ZNF469: variants seen among roughly 807,000 people sequenced by gnomAD.
ZNF469 encodes zinc finger protein 469.
In ZNF469, 1 loss-of-function variant was observed where a neutral mutation model predicts 1.0. That is an observed-to-expected ratio of 1.00 (90% CI 0.35 to 4.73). The LOEUF is 4.73. Ranked by LOEUF, ZNF469 falls within the 30% of genes most tolerant of loss-of-function variation. ZNF469 has a pLI of 0.16. For missense variants in ZNF469, 6,100 were observed against 5,356.3 expected (o/e 1.14, Z -4.33); for synonymous variants, 2,703 against 2,363.4 (o/e 1.14, Z -4.17).
chr16:88,349,024 C>T, the ZNF469 span, among the ~76,000 whole-genome samples: 1 of 152,208 alleles, frequency 6.6e-6, no homozygotes, highest in South Asian at 2.1e-4. Flanking sequence ...GGCCCCAAGC[C>T]GACTGCGGCC....
the ZNF469 span, among the ~76,000 whole-genome samples, chr16:88,168,110 A>C: frequency 6.6e-6 from 1 of 152,214 alleles, no homozygotes; most frequent in Non-Finnish European, 1.5e-5. The surrounding 1 kb of genome is among the most constrained non-coding windows in gnomAD (Gnocchi z 4.3). Flanking sequence ...CAGTTTTGTA[A>C]GAGCTAATTG....
the ZNF469 span, among the ~76,000 whole-genome samples, chr16:88,205,457 CT>C: frequency 6.6e-6 from 1 of 152,194 alleles, no homozygotes; most frequent in Non-Finnish European, 1.5e-5. The surrounding 1 kb of genome is among the most constrained non-coding windows in gnomAD (Gnocchi z 4.2). Flanking sequence ...GATTCTAATC[CT>C]GTATTCAAAC....
rs748549582 is a variant in ZNF469 at position 88,433,558 on chromosome 16, A to G, written c.6088A>G (p.Thr2030Ala). 23 of 1,550,216 alleles carry G rather than the reference A, an allele frequency of 1.5e-5. No individual in the cohort carries two copies. Among genetic ancestry groups the G allele is most frequent in the Non-Finnish European group, 2.0e-5 (23 of 1,146,928 alleles). ...ASPKTALTGP[T>A]EGAVLLEKCK... ...TCCCAAAACAGCGCTGACCGGCCCC[A>G]CCGAGGGTGCAGTCCTGCTAGAGAA... is the stretch of plus-strand genomic sequence containing the variant. Residue 2030 changes from threonine to alanine, a missense_variant, in exon 3 of 3, where the codon ACC (threonine) becomes GCC (alanine). Physicochemically the swap from Thr to Ala is moderately conservative, Grantham distance 58 (BLOSUM62 0). Transcript: ENST00000565624.
upstream of ZNF469, among the ~76,000 whole-genome samples, chr16:88,381,817 T>C (rs1182177871): frequency 6.6e-6 from 1 of 152,270 alleles, no homozygotes; most frequent in Non-Finnish European, 1.5e-5. Context: ...TAGTTTATTC[T>C]ATACCGTTCG....
At chr16:88,212,121 T>C in the ZNF469 span, among the ~76,000 whole-genome samples, 4 of 152,250 alleles carry the variant, frequency 2.6e-5, no homozygotes, top group East Asian at 7.7e-4. Context: ...TGCCTGCTAT[T>C]TTTGTCTGGA....
chr16:88,342,067 A>G, the ZNF469 span, among the ~76,000 whole-genome samples: 1 of 150,920 alleles, frequency 6.6e-6, no homozygotes, highest in Non-Finnish European at 1.5e-5. Flanking sequence ...CAACATGTGC[A>G]GGGCGGGGCG....
chr16:88,153,785 C>A, the ZNF469 span, among the ~76,000 whole-genome samples: 1 of 152,204 alleles, frequency 6.6e-6, no homozygotes, highest in Non-Finnish European at 1.5e-5. Flanking sequence ...GGCGTCTCCT[C>A]CCCCATGTCC....
At chr16:88,260,067 T>C in the ZNF469 span, among the ~76,000 whole-genome samples, 1 of 151,846 alleles carries the variant, frequency 6.6e-6, no homozygotes, top group Non-Finnish European at 1.5e-5. The surrounding 1 kb of genome is among the most constrained non-coding windows in gnomAD (Gnocchi z 4.1). Context: ...AACCTCCGCC[T>C]CCCGGGTTCA....
At chr16:88,184,642 G>A in the ZNF469 span, among the ~76,000 whole-genome samples, 256 of 152,020 alleles carry the variant, frequency 1.7e-3, no homozygotes, top group Middle Eastern at 3.4e-3. Context: ...GAGTAGCACC[G>A]CTGTCGCCGC....
chr16:88,243,719 G>T, the ZNF469 span, among the ~76,000 whole-genome samples: 2 of 150,100 alleles, frequency 1.3e-5, no homozygotes, highest in African/African-American at 4.9e-5. Flanking sequence ...GGATAAATGG[G>T]TGGATGGGTG....
the ZNF469 span, among the ~76,000 whole-genome samples, chr16:88,116,715 C>A: frequency 2.0e-5 from 3 of 152,254 alleles, no homozygotes; most frequent in Admixed American, 1.3e-4. Flanking sequence ...GTGGGAAAAG[C>A]CGACCTCAAA....
At chr16:88,225,739 A>G in the ZNF469 span, among the ~76,000 whole-genome samples, 1 of 152,172 alleles carries the variant, frequency 6.6e-6, no homozygotes, top group Non-Finnish European at 1.5e-5. Flanking sequence ...ACATGAGGAC[A>G]CACAGGAAAC....
rs780866854 is a variant in ZNF469, at chr16:88,431,814, G to A, written c.4344G>A (p.Pro1448=). 81 of 1,549,684 alleles carry A rather than the reference G, an allele frequency of 5.2e-5. 1 individual carries two copies. The Middle Eastern group carries it at 2.0e-3, about 38-fold the overall frequency. The change falls in exon 3 of 3, where the codon CCG becomes CCA. Residue 1448 remains proline (P), a synonymous_variant. Coordinates refer to ENST00000565624, the MANE Select transcript of ZNF469 (RefSeq NM_001367624.2). ...ETEPGRAASP[P]TLESSSLFPD... is the part of the protein sequence containing the mutation. Reference sequence around the variant, plus strand: ...AGCCAGGCAGGGCTGCATCGCCACCGACCTTGGAGTCCTCATCCCTCTTCC... The same window carrying A: ...AGCCAGGCAGGGCTGCATCGCCACCAACCTTGGAGTCCTCATCCCTCTTCC...
At chr16:88,360,251 C>G in the ZNF469 span, among the ~76,000 whole-genome samples, 1 of 151,670 alleles carries the variant, frequency 6.6e-6, no homozygotes, top group African/African-American at 2.4e-5. Flanking sequence ...AACTCCTGAC[C>G]TCAGGTGATC....
At chr16:88,374,239 CAT>C in the ZNF469 span, among the ~76,000 whole-genome samples, 1 of 152,106 alleles carries the variant, frequency 6.6e-6, no homozygotes, top group African/African-American at 2.4e-5. Context: ...CACAGTATGA[CAT>C]ATGTGTGCCA....
At chr16:88,263,231 C>G in the ZNF469 span, among the ~76,000 whole-genome samples, 1 of 152,192 alleles carries the variant, frequency 6.6e-6, no homozygotes, top group African/African-American at 2.4e-5. Context: ...AAATGCCTCC[C>G]CCACCCCACC....
chr16:88,184,875 C>T, the ZNF469 span, among the ~76,000 whole-genome samples: 7 of 152,352 alleles, frequency 4.6e-5, no homozygotes, highest in South Asian at 2.1e-4. Flanking sequence ...TGCACAGACA[C>T]GGACTCACAT....
At chr16:88,112,398 C>A in the ZNF469 span, among the ~76,000 whole-genome samples, 1 of 152,224 alleles carries the variant, frequency 6.6e-6, no homozygotes, top group African/African-American at 2.4e-5. Flanking sequence ...TACATTCCCA[C>A]CAACGGGGTA....
chr16:88,354,856 T>C, the ZNF469 span, among the ~76,000 whole-genome samples: 1 of 152,176 alleles, frequency 6.6e-6, no homozygotes, highest in Non-Finnish European at 1.5e-5. Flanking sequence ...CTCCAGGGTC[T>C]GAAGGGCAGC....
Sources: allele counts gnomAD v4.1 joint callset (sites outside exome capture counted in the v4.1 genomes callset), GRCh38; gene constraint gnomAD v4.1.1; non-coding constraint Gnocchi (gnomAD v3.1); transcripts MANE v1.5; gene names NCBI Gene and HGNC (gene_info 2026-07-23, HGNC 2026-07-21).